CGGBP1: variants seen among roughly 807,000 people sequenced by gnomAD.
The protein encoded by CGGBP1 is CGG triplet repeat binding protein 1.
Under a neutral mutation model 11.4 loss-of-function variants are expected in CGGBP1, and 4 were observed. The observed-to-expected ratio is 0.35, with a 90% CI of 0.17 to 0.80. CGGBP1 has a LOEUF of 0.80. Ranked by LOEUF, CGGBP1 falls within the 30% of genes least tolerant of loss-of-function variation. The pLI is 0.52. For synonymous variants in CGGBP1, 76 were observed against 74.1 expected (o/e 1.03, Z -0.13); for missense variants, 135 against 202.1 (o/e 0.67, Z 2.01).
At chr3:88,077,331 ATTGTTTTTTTT>A in intron 2 of CGGBP1, among the ~76,000 whole-genome samples, 1 of 139,716 alleles carries the variant, frequency 7.2e-6, no homozygotes, top group Middle Eastern at 3.8e-3. Context: ...GCAGACTTAA[ATTGTTTTTTTT>A]TTTTTTTTTG....
chr3:88,104,887 C>T (rs1482943249), intron 2 of CGGBP1, among the ~76,000 whole-genome samples: 1 of 152,152 alleles, frequency 6.6e-6, no homozygotes. Flanking sequence ...GCCTGTAATC[C>T]CAGCACTTTG....
chr3:88,113,118 T>C lies in CGGBP1; in HGVS notation c.-229+27852A>G. 7 of 1,529,812 alleles carry C rather than the reference T, an allele frequency of 4.6e-6. No individual in the cohort carries two copies. The South Asian group carries it at 8.4e-5, about 18-fold the overall frequency. The allele number at this position is 1,529,812 out of a possible 1,614,324, so 94.8% of individuals were successfully genotyped here. On this transcript the variant is annotated intron_variant, in intron 2 of 3. Transcript: ENST00000462901. The stretch of plus-strand genomic sequence containing the variant: ...GTTATTCACTTATTCTTTCTAGGAG[T>C]TTCTTTGAGTTGCTGCTGTTCTTTG...
At chr3:88,141,664 C>T in intron 1 of CGGBP1, 2 of 1,502,062 alleles carry the variant, frequency 1.3e-6, no homozygotes, top group Non-Finnish European at 1.8e-6. Flanking sequence ...GAAAACGGTT[C>T]AGAAAGATCT....
At chr3:88,059,979 C>CT (rs1706764802), upstream of CGGBP1, among the ~76,000 whole-genome samples, 1 of 151,964 alleles carries the variant, frequency 6.6e-6, no homozygotes, top group African/African-American at 2.4e-5. Context: ...GTCACTGCCA[C>CT]TGTTCCCCCT....
At position 88,125,749 on chromosome 3, in the gene CGGBP1, G is replaced by A. The variant is rs149704447; in HGVS notation, c.-229+15221C>T. ...CACCCCACGCCCCCTGCCCTACCAC[G>A]CTCTCTTTTTCTTATCAGGCTCTTG... On this transcript the variant is annotated intron_variant, in intron 2 of 3. Transcript: ENST00000462901. Among the ~76,000 whole-genome samples, 48 of 152,204 alleles carry A rather than the reference G, an allele frequency of 3.2e-4. No individual in the cohort carries two copies. In the East Asian group the frequency reaches 8.7e-3, roughly 28 times the overall value.
intron 2 of CGGBP1, among the ~76,000 whole-genome samples, chr3:88,065,891 G>A (rs370551941): frequency 1.1e-4 from 17 of 152,128 alleles, no homozygotes; most frequent in African/African-American, 4.1e-4. Flanking sequence ...GCACCACCAT[G>A]CCCGGCTAAA....
upstream of CGGBP1, chr3:88,059,122 G>C: frequency 1.9e-6 from 2 of 1,030,886 alleles, no homozygotes; most frequent in Non-Finnish European, 1.4e-6. Flanking sequence ...GCATGAACAT[G>C]ATTGGCAGCT....
chr3:88,135,270 T>C (rs1559733399), intron 2 of CGGBP1: 1 of 1,230,200 alleles, frequency 8.1e-7, no homozygotes. Flanking sequence ...TGAATCTCTT[T>C]TGATAAAATT....
At chr3:88,128,779 G>C in intron 2 of CGGBP1, 1 of 1,443,332 alleles carries the variant, frequency 6.9e-7, no homozygotes, top group East Asian at 2.5e-5. Context: ...TTTCTTGAGA[G>C]TAATAGAGTC....
At chr3:88,094,905 G>A (rs1420309661) in intron 2 of CGGBP1, among the ~76,000 whole-genome samples, 3 of 151,944 alleles carry the variant, frequency 2.0e-5, no homozygotes, top group Non-Finnish European at 2.9e-5. Context: ...TACATGAAAT[G>A]CTTCTGTAAT....
chr3:88,146,830 C>T (rs1164863560), intron 1 of CGGBP1, among the ~76,000 whole-genome samples: 1 of 152,084 alleles, frequency 6.6e-6, no homozygotes, highest in Non-Finnish European at 1.5e-5. Context: ...TTGATTACTC[C>T]CCCAGCATTC....
intron 2 of CGGBP1, chr3:88,139,187 C>T (rs146443196): frequency 2.8e-5 from 40 of 1,442,332 alleles, no homozygotes; most frequent in Non-Finnish European, 3.6e-5. Flanking sequence ...CAGATCAGAG[C>T]ACTGGAGAGA....
intron 2 of CGGBP1, among the ~76,000 whole-genome samples, chr3:88,130,475 A>T (rs1706382346): frequency 6.6e-6 from 1 of 152,026 alleles, no homozygotes; most frequent in East Asian, 1.9e-4. Context: ...TTTTGGAGAC[A>T]GGGTTTCACT....
intron 2 of CGGBP1, among the ~76,000 whole-genome samples, chr3:88,080,998 T>C (rs763599062): frequency 1.3e-5 from 2 of 152,212 alleles, no homozygotes; most frequent in Non-Finnish European, 2.9e-5. Context: ...TTGTATTTAG[T>C]TGTTTCTCCT....
chr3:88,142,475 G>A (rs1707179960), intron 1 of CGGBP1: 1 of 152,308 alleles, frequency 6.6e-6, no homozygotes, highest in Non-Finnish European at 1.5e-5. Context: ...GTAGTTGAAG[G>A]AAAACACTGA....
At chr3:88,145,323 A>G (rs1438977105) in intron 1 of CGGBP1, among the ~76,000 whole-genome samples, 1 of 152,104 alleles carries the variant, frequency 6.6e-6, no homozygotes, top group Non-Finnish European at 1.5e-5. Flanking sequence ...CCACACTGCA[A>G]ATAGATAAAT....
rs1170586281 is a variant in CGGBP1, at chr3:88,052,721, TAA to T, written c.*2750_*2751del. On this transcript the variant is annotated 3_prime_UTR_variant, in exon 4 of 4. Transcript: ENST00000482016. ...GCATTAACTGGAAATAGCATTTTTT[TAA>T]AGTCTTAATCAAAGATGATAATGGA... The T allele has an allele frequency of 6.6e-6, 1 of 152,398 alleles. No individual in the cohort carries two copies. Among genetic ancestry groups the T allele is most frequent in the Non-Finnish European group, 1.5e-5 (1 of 68,028 alleles). 9.4% of individuals were successfully genotyped at this position (152,398 alleles called of 1,614,324 possible). A position where few individuals can be genotyped will look rare whatever the true frequency, so the allele number is the denominator to read the frequency against.
chr3:88,122,236 A>T (rs1705812979), intron 2 of CGGBP1, among the ~76,000 whole-genome samples: 1 of 152,214 alleles, frequency 6.6e-6, no homozygotes, highest in African/African-American at 2.4e-5. Flanking sequence ...GTAAGAAAAG[A>T]CAAGGTGAAT....
intron 2 of CGGBP1, among the ~76,000 whole-genome samples, chr3:88,134,233 T>C (rs1706635193): frequency 1.3e-5 from 2 of 152,124 alleles, no homozygotes; most frequent in Non-Finnish European, 2.9e-5. Context: ...GAGTACACTA[T>C]GTGCACCCTC....
Sources: allele counts gnomAD v4.1 joint callset (sites outside exome capture counted in the v4.1 genomes callset), GRCh38; gene constraint gnomAD v4.1.1; transcripts MANE v1.5; gene names NCBI Gene and HGNC (gene_info 2026-07-23, HGNC 2026-07-21).